The following AGAP2 variants were observed in gnomAD, a reference collection of about 807,000 sequenced individuals.
AGAP2 encodes the protein ArfGAP with GTPase domain, ankyrin repeat and PH domain 2.
A neutral mutation model predicts 110.9 loss-of-function variants in AGAP2; 32 were observed. That is an observed-to-expected ratio of 0.29 (90% CI 0.22 to 0.39). The LOEUF (loss-of-function observed/expected upper bound fraction) is 0.39. AGAP2 is among the 10% of genes least tolerant of loss of function. The pLI, the probability that AGAP2 is intolerant of heterozygous loss-of-function variation, is 1.00. For missense variants in AGAP2, 1,285 were observed against 1,638.5 expected (o/e 0.78, Z 3.72); for synonymous variants, 702 against 713.0 (o/e 0.98, Z 0.25).
At position 57,727,217 on chromosome 12, in the gene AGAP2, C is replaced by G. The variant is rs1336391940; in HGVS notation, c.3093G>C (p.Glu1031Asp). The change falls in exon 18 of 19, where the codon GAG (glutamate) becomes GAC (aspartate). Residue 1031 changes from glutamate (E) to aspartate (D), a missense_variant. Coordinates refer to ENST00000547588, the MANE Select transcript of AGAP2 (RefSeq NM_001122772.3). ...GCTCGTACTTGGCGCGAATCCACGACTCGCGCTCCTCCCTGCAAGACCAGG... is the reference window on the plus strand; with the variant it reads ...GCTCGTACTTGGCGCGAATCCACGAGTCGCGCTCCTCCCTGCAAGACCAGG... ...PSRDSSREER[E>D]SWIRAKYEQL... 1 of 1,612,372 alleles carries G rather than the reference C, an allele frequency of 6.2e-7. No homozygotes were observed. Among genetic ancestry groups the G allele is most frequent in the Admixed American group, 1.7e-5 (1 of 59,980 alleles).
At position 57,727,937 on chromosome 12, in the gene AGAP2, C is replaced by T; in HGVS notation, c.2766G>A (p.Lys922=). 1 of 1,613,986 alleles carries T rather than the reference C, an allele frequency of 6.2e-7. No homozygotes were observed. Among genetic ancestry groups the T allele is most frequent in the Non-Finnish European group, 8.5e-7 (1 of 1,179,998 alleles). ...SLQCCESSKV[K]LRTDSQSEAV... is the part of the protein sequence containing the mutation. ...CCTCCACTCCACCTCAAACTCTTAC[C>T]TTGACCTTGCTGCTCTCACAGCATT... Residue 922 remains lysine, a splice_region_variant and synonymous_variant, in exon 15 of 19, where the codon AAG becomes AAA. Coordinates refer to ENST00000547588, the MANE Select transcript of AGAP2 (RefSeq NM_001122772.3).
intron 7 of AGAP2, 69 bp from the exon 8 acceptor site, chr12:57,732,036 G>A (rs544722880): frequency 1.1e-5 from 16 of 1,523,208 alleles, no homozygotes; most frequent in East Asian, 4.6e-5. Flanking sequence ...CTCATATCTC[G>A]TTATGGGGAA....
upstream of AGAP2, among the ~76,000 whole-genome samples, chr12:57,739,374 TCA>T (rs765061522): frequency 6.6e-6 from 1 of 152,038 alleles, no homozygotes; most frequent in Non-Finnish European, 1.5e-5. Flanking sequence ...CCTTTCCCAC[TCA>T]CACCACCACA....
At chr12:57,739,672 G>A (rs1467881914), upstream of AGAP2, 1 of 152,342 alleles carries the variant, frequency 6.6e-6, no homozygotes, top group Non-Finnish European at 1.5e-5. Context: ...GAAGCAGAGA[G>A]GAATCCGTGT....
rs35371569 is a variant in AGAP2 at position 57,733,185 on chromosome 12, C to CTGTGTG, written c.1550-212_1550-207dup. Among the ~76,000 whole-genome samples, 26 of 146,658 alleles carry CTGTGTG rather than the reference C, an allele frequency of 1.8e-4. 1 individual carries two copies. The highest frequency in any genetic ancestry group is 1.1e-3 in the South Asian group (5 of 4,584). ...CAGTTCACACACCTAGCTGGGTGAG[C>CTGTGTG]TGTGTGTGTGTGTGTGTGTGTGTGT... On this transcript the variant is annotated intron_variant, in intron 5 of 18. Coordinates refer to ENST00000547588, the MANE Select transcript of AGAP2 (RefSeq NM_001122772.3).
chr12:57,737,947 C>G lies in AGAP2; in HGVS notation c.300G>C (p.Pro100=). ...CGGGAGCGGGGGAGACTGGGCGGGC[C>G]GGACTGGCCGGAGCCGGGGACAGGG... The part of the protein sequence containing the change: ...PPALSPAPAS[P]ARPVSPAPGR... The change falls in exon 1 of 19, where the codon CCG becomes CCC. Residue 100 remains proline (P), a synonymous_variant. Coordinates refer to ENST00000547588, the MANE Select transcript of AGAP2 (RefSeq NM_001122772.3). The surrounding 1 kb of genome is among the most constrained non-coding windows in gnomAD (Gnocchi z 5.9). The G allele has an allele frequency of 1.4e-6, 2 of 1,395,376 alleles. No individual in the cohort carries two copies. Among genetic ancestry groups the G allele is most frequent in the Non-Finnish European group, 1.8e-6 (2 of 1,085,416 alleles). The allele number at this position is 1,395,376 out of a possible 1,614,324, so 86.4% of individuals were successfully genotyped here.
Position 57,734,356 on chromosome 12 carries a change from A to G in AGAP2, c.1364T>C (p.Val455Ala), listed in dbSNP as rs1157709996. 3 of 1,614,046 alleles carry G rather than the reference A, an allele frequency of 1.9e-6. No homozygotes were observed. The highest frequency in any genetic ancestry group is 2.5e-6 in the Non-Finnish European group (3 of 1,180,038). ...TGCCCCAGCTTCCTCTCGGATTAGCACCAGATGTGTCTGTCCATCCACCAA... is the reference window on the plus strand; with the variant it reads ...TGCCCCAGCTTCCTCTCGGATTAGCGCCAGATGTGTCTGTCCATCCACCAA... ...EMLVDGQTHL[V>A]LIREEAGAPD... The change falls in exon 4 of 19, where the codon GTG becomes GCG. Residue 455 changes from valine (V) to alanine (A), a missense_variant. Coordinates refer to ENST00000547588, the MANE Select transcript of AGAP2 (RefSeq NM_001122772.3).
chr12:57,729,648 G>T lies in AGAP2; in HGVS notation c.2548C>A (p.Gln850Lys). Residue 850 changes from glutamine to lysine, a missense_variant, in exon 13 of 19, where the codon CAG becomes AAG. Coordinates refer to ENST00000547588, the MANE Select transcript of AGAP2 (RefSeq NM_001122772.3). ...TPSKTEGSAG[Q>K]AEAKRKMWKL... ...CCTGCCAGAGCCTCACCTTCAGCCT[G>T]CCCAGCCGAGCCTTCAGTCTTGGAT... 1.9e-6 allele frequency: 3 copies of T among 1,611,846 alleles called. No individual in the cohort carries two copies. The highest frequency in any genetic ancestry group is 2.2e-5 in the South Asian group (2 of 90,968).
Position 57,735,360 on chromosome 12 carries a change from G to A in AGAP2, c.1227+9C>T. 2 of 1,613,812 alleles carry A rather than the reference G, an allele frequency of 1.2e-6. No homozygotes were observed. The highest frequency in any genetic ancestry group is 4.5e-5 in the East Asian group (2 of 44,868). ...CCTTCCCTATAGGCAAGGGGACTGG[G>A]TTACCTACCAGGCGCAGTTCAGGAA... On this transcript the variant is annotated intron_variant, in intron 2 of 18. Coordinates refer to ENST00000547588, the MANE Select transcript of AGAP2 (RefSeq NM_001122772.3).
intron 9 of AGAP2, 29 bp from the exon 10 acceptor site, chr12:57,731,499 A>G: frequency 2.5e-6 from 4 of 1,612,780 alleles, no homozygotes; most frequent in Non-Finnish European, 3.4e-6. Context: ...CACATGTGGG[A>G]AAAAAGCCAA....
In AGAP2 at chr12:57,731,953, G is replaced by T. The variant is rs770245171; in HGVS notation, c.1809C>A (p.Gly603=). 2.5e-6 allele frequency: 4 copies of T among 1,613,598 alleles called. No homozygotes were observed. Among genetic ancestry groups the T allele is most frequent in the Non-Finnish European group, 3.4e-6 (4 of 1,179,942 alleles). Residue 603 remains glycine, a synonymous_variant, in exon 8 of 19, where the codon GGC becomes GGA. Coordinates refer to ENST00000547588, the MANE Select transcript of AGAP2 (RefSeq NM_001122772.3). The part of the protein sequence containing the change: ...TPVAGQASNG[G]HTSDYSSSLP... The stretch of plus-strand genomic sequence containing the variant: ...GGGAAGAAGAGTAGTCGCTAGTGTG[G>T]CCCCCGTTACTAGCCTGGGCACATA...
Position 57,731,840 on chromosome 12 carries a change from C to A in AGAP2, c.1922G>T (p.Arg641Leu). The A allele has an allele frequency of 6.3e-7, 1 of 1,592,424 alleles. No homozygotes were observed. The highest frequency in any genetic ancestry group is 1.1e-5 in the South Asian group (1 of 87,850). Residue 641 changes from arginine to leucine, a missense_variant, in exon 8 of 19, where the codon CGG (arginine) becomes CTG (leucine). By Grantham distance (102) the Arg-to-Leu change is moderately radical (BLOSUM62 -2). Around this residue, in one of 7 missense-constraint regions of AGAP2, gnomAD observed 844 missense variants for 941.2 expected, o/e 0.90. Coordinates refer to ENST00000547588, the MANE Select transcript of AGAP2 (RefSeq NM_001122772.3). The part of the protein sequence containing the change: ...AGLSTPGSLH[R>L]AAKRRTSLFA... ...AAGGCTGGTCCTGCGCTTGGCTGCC[C>A]GGTGCAGGGACCCTGGGGTGCTCAA...
In AGAP2 at chr12:57,732,846, C is replaced by A; in HGVS notation, c.1683G>T (p.Glu561Asp). ...TATGCTGGAGATCACTACACTCACC[C>A]TCCTGGAAGACCCGATCCACATTGA... ...YGLNVDRVFQ[E>D]VAQKVVTLRK... is the part of the protein sequence containing the mutation. Residue 561 changes from glutamate (E) to aspartate (D), a missense_variant and splice_region_variant, in exon 6 of 19, where the codon GAG (glutamate) becomes GAT (aspartate). Coordinates refer to ENST00000547588, the MANE Select transcript of AGAP2 (RefSeq NM_001122772.3). 1 of 1,613,932 alleles carries A rather than the reference C, an allele frequency of 6.2e-7. No individual in the cohort carries two copies. The highest frequency in any genetic ancestry group is 2.2e-5 in the East Asian group (1 of 44,858).
At chr12:57,731,337 G>A (rs1286339786) in intron 10 of AGAP2, 29 bp downstream of exon 10, 4 of 1,570,644 alleles carry the variant, frequency 2.5e-6, no homozygotes, top group Non-Finnish European at 3.5e-6. Flanking sequence ...TCCAAAGCTG[G>A]CCAATGTGGC....
At chr12:57,735,506 C>G in intron 1 of AGAP2, 79 bp from the exon 2 acceptor site, 1 of 1,365,374 alleles carries the variant, frequency 7.3e-7, no homozygotes, top group African/African-American at 1.4e-5. Flanking sequence ...CCTCCTCCCT[C>G]TGCAGCTTTC....
At position 57,731,957 on chromosome 12, in the gene AGAP2, C is replaced by T. The variant is rs1165368122; in HGVS notation, c.1805G>A (p.Gly602Glu). 2 of 1,613,598 alleles carry T rather than the reference C, an allele frequency of 1.2e-6. No homozygotes were observed. Among genetic ancestry groups the T allele is most frequent in the Non-Finnish European group, 1.7e-6 (2 of 1,179,950 alleles). ...STPVAGQASN[G>E]GHTSDYSSSL... Reference sequence around the variant, plus strand: ...AGAAGAGTAGTCGCTAGTGTGGCCCCCGTTACTAGCCTGGGCACATATGGA... The same window carrying T: ...AGAAGAGTAGTCGCTAGTGTGGCCCTCGTTACTAGCCTGGGCACATATGGA... The change falls in exon 8 of 19, where the codon GGG (glycine) becomes GAG (glutamate). Residue 602 changes from glycine to glutamate, a missense_variant. Physicochemically the swap from Gly to Glu is moderately conservative, Grantham distance 98. Around this residue, in one of 7 missense-constraint regions of AGAP2, gnomAD observed 844 missense variants for 941.2 expected, o/e 0.90. Coordinates refer to ENST00000547588, the MANE Select transcript of AGAP2 (RefSeq NM_001122772.3).
In AGAP2 at chr12:57,732,931, C is replaced by A; in HGVS notation, c.1598G>T (p.Arg533Ile). The A allele has an allele frequency of 6.2e-7, 1 of 1,614,092 alleles. No homozygotes were observed. The highest frequency in any genetic ancestry group is 8.5e-7 in the Non-Finnish European group (1 of 1,180,034). ...SPRVVGDARA[R>I]ALCADMKRCS... ...GCGTTTCATGTCCGCGCACAGAGCT[C>A]TGGCACGAGCATCTCCCACCACCCG... The change falls in exon 6 of 19, where the codon AGA (arginine) becomes ATA (isoleucine). Residue 533 changes from arginine (R) to isoleucine (I), a missense_variant. Coordinates refer to ENST00000547588, the MANE Select transcript of AGAP2 (RefSeq NM_001122772.3).
upstream of AGAP2, chr12:57,741,898 G>A: frequency 1.9e-6 from 3 of 1,610,078 alleles, no homozygotes; most frequent in Non-Finnish European, 2.5e-6. Flanking sequence ...GTTGAGGGCT[G>A]ACCTTTCTCT....
At chr12:57,735,609 C>A (rs1433484130) in intron 1 of AGAP2, among the ~76,000 whole-genome samples, 182 bp from the exon 2 acceptor site, 1 of 152,202 alleles carries the variant, frequency 6.6e-6, no homozygotes, top group East Asian at 1.9e-4. Flanking sequence ...GCCACTCTCC[C>A]CCAGCTGTTG....
Sources: allele counts gnomAD v4.1 joint callset (sites outside exome capture counted in the v4.1 genomes callset), GRCh38; gene constraint gnomAD v4.1.1; regional missense constraint gnomAD v4.1.1; non-coding constraint Gnocchi (gnomAD v3.1); transcripts MANE v1.5; gene names NCBI Gene and HGNC (gene_info 2026-07-23, HGNC 2026-07-21).